Variants in BRD10 observed in about 807,000 individuals in gnomAD.
BRD10 encodes the protein bromodomain containing 10, also known as uncharacterized bromodomain-containing protein 10.
chr9:5,993,324 A>AC, the BRD10 span, among the ~76,000 whole-genome samples: 1 of 150,934 alleles, frequency 6.6e-6, no homozygotes, highest in African/African-American at 2.4e-5. Context: ...AAAAAAAAAA[A>AC]AAAAAAAAAA....
chr9:5,982,850 G>A, the BRD10 span, among the ~76,000 whole-genome samples: 1 of 152,164 alleles, frequency 6.6e-6, no homozygotes, highest in Non-Finnish European at 1.5e-5. Context: ...TGGCATCTGG[G>A]GAGGATGAAG....
At chr9:5,949,532 T>C in the BRD10 span, among the ~76,000 whole-genome samples, 1 of 152,244 alleles carries the variant, frequency 6.6e-6, no homozygotes, top group Non-Finnish European at 1.5e-5. Context: ...TTTTTTCTTA[T>C]GTTTGAAAAC....
chr9:5,979,816 C>T, the BRD10 span, among the ~76,000 whole-genome samples: 3 of 151,728 alleles, frequency 2.0e-5, no homozygotes, highest in South Asian at 2.1e-4. Context: ...AGGAGTTCCA[C>T]ACCAGCCTGG....
the BRD10 span, chr9:5,968,959 G>A: frequency 9.3e-6 from 15 of 1,610,684 alleles, no homozygotes; most frequent in Non-Finnish European, 1.3e-5. Flanking sequence ...ACACTTTTTG[G>A]TAAAAAGGTA....
At chr9:5,894,480 G>A in the BRD10 span, among the ~76,000 whole-genome samples, 2 of 152,164 alleles carry the variant, frequency 1.3e-5, no homozygotes, top group Non-Finnish European at 2.9e-5. The surrounding 1 kb of genome is among the most constrained non-coding windows in gnomAD (Gnocchi z 4.0). Context: ...AGAGTTGGGA[G>A]GAGGGACGCC....
At chr9:5,952,328 T>C in the BRD10 span, among the ~76,000 whole-genome samples, 1 of 152,040 alleles carries the variant, frequency 6.6e-6, no homozygotes, top group Non-Finnish European at 1.5e-5. Context: ...GCCAAGACCA[T>C]TTTAAACAGC....
chr9:5,947,739 A>T, the BRD10 span, among the ~76,000 whole-genome samples: 3 of 151,940 alleles, frequency 2.0e-5, no homozygotes, highest in Non-Finnish European at 4.4e-5. Flanking sequence ...TTCTGCCTCC[A>T]AAATAAGGCA....
At chr9:5,955,135 C>T in the BRD10 span, among the ~76,000 whole-genome samples, 3 of 151,758 alleles carry the variant, frequency 2.0e-5, no homozygotes, top group African/African-American at 7.3e-5. Flanking sequence ...GTTAGAAACA[C>T]ATTAAAAGTT....
chr9:5,908,770 A>T, the BRD10 span: 1 of 1,452,814 alleles, frequency 6.9e-7, no homozygotes, highest in Non-Finnish European at 9.7e-7. Context: ...CTTGAATTTA[A>T]TACAGACATC....
At chr9:5,879,495 A>G in the BRD10 span, among the ~76,000 whole-genome samples, 1 of 152,158 alleles carries the variant, frequency 6.6e-6, no homozygotes, top group Non-Finnish European at 1.5e-5. Flanking sequence ...CCTCCTTTTC[A>G]TCCCTAAAGG....
chr9:5,914,495 C>T, the BRD10 span, among the ~76,000 whole-genome samples: 1 of 128,936 alleles, frequency 7.8e-6, no homozygotes, highest in Non-Finnish European at 1.6e-5. Flanking sequence ...GCAATCTTGG[C>T]TCACTGCAAG....
At chr9:5,987,719 C>T in the BRD10 span, among the ~76,000 whole-genome samples, 30 of 152,176 alleles carry the variant, frequency 2.0e-4, no homozygotes, top group African/African-American at 7.2e-4. Context: ...ACATAGTTCG[C>T]AATTTGATTT....
At chr9:5,888,896 G>T in the BRD10 span, among the ~76,000 whole-genome samples, 1 of 152,316 alleles carries the variant, frequency 6.6e-6, no homozygotes, top group East Asian at 1.9e-4. Flanking sequence ...CAACAAGGAA[G>T]AATTTCTCAA....
At chr9:5,974,619 A>G in the BRD10 span, among the ~76,000 whole-genome samples, 1 of 152,188 alleles carries the variant, frequency 6.6e-6, no homozygotes, top group Non-Finnish European at 1.5e-5. Flanking sequence ...AAGAGTCCAG[A>G]GAGACCAAGG....
At chr9:5,943,254 G>A in the BRD10 span, among the ~76,000 whole-genome samples, 6 of 152,078 alleles carry the variant, frequency 3.9e-5, no homozygotes, top group East Asian at 9.6e-4. Flanking sequence ...GAAGCCTCTA[G>A]AATGCTTGCA....
chr9:6,007,543 C>T, the BRD10 span: 1 of 1,613,074 alleles, frequency 6.2e-7, no homozygotes, highest in Non-Finnish European at 8.5e-7. Context: ...GATGCGGTAG[C>T]CCTGCTGTAG....
chr9:5,979,420 G>T, the BRD10 span, among the ~76,000 whole-genome samples: 1 of 152,088 alleles, frequency 6.6e-6, no homozygotes, highest in Non-Finnish European at 1.5e-5. Context: ...GGCTGAGGTG[G>T]GAGGATAACT....
At chr9:5,980,671 G>GTA in the BRD10 span, among the ~76,000 whole-genome samples, 290 of 151,846 alleles carry the variant, frequency 1.9e-3, 1 homozygote, top group African/African-American at 6.5e-3. Context: ...CACACACAAT[G>GTA]TATATGTATA....
At chr9:5,887,128 G>A in the BRD10 span, among the ~76,000 whole-genome samples, 1 of 152,140 alleles carries the variant, frequency 6.6e-6, no homozygotes, top group African/African-American at 2.4e-5. Flanking sequence ...GCATGGTGGT[G>A]CATACCTGTG....
Sources: gnomAD v4.1 joint callset for allele counts (sites outside exome capture counted in the v4.1 genomes callset) on GRCh38, gnomAD v4.1.1 for gene constraint, Gnocchi (gnomAD v3.1) non-coding constraint, MANE v1.5 for transcripts, NCBI Gene and HGNC (gene_info 2026-07-23, HGNC 2026-07-21) for gene names.